The following RGS22 variants were observed in gnomAD, a reference collection of about 807,000 sequenced individuals.
The protein encoded by RGS22 is regulator of G-protein signaling 22.
RGS22 carries 148 observed loss-of-function variants against 172.9 expected under a neutral mutation model. The ratio of observed to expected loss-of-function variants is 0.86; its 90% CI spans 0.75 to 0.98. The LOEUF is 0.98. Ranked by LOEUF, RGS22 falls within the 50% of genes least tolerant of loss-of-function variation. The pLI is 0.00. For synonymous variants in RGS22, 458 were observed against 480.2 expected (o/e 0.95, Z 0.60); for missense variants, 1,347 against 1,440.8 (o/e 0.93, Z 1.05).
At chr8:100,043,504 C>T (rs1436491878) in intron 11 of RGS22, among the ~76,000 whole-genome samples, 1 of 152,062 alleles carries the variant, frequency 6.6e-6, no homozygotes, top group Non-Finnish European at 1.5e-5. Context: ...TGGCTGGGCA[C>T]GGTGGCTCAC....
rs777702025 is a variant in RGS22, at chr8:100,047,480, A to G, written c.1806T>C (p.Asp602=). The G allele has an allele frequency of 1.3e-6, 2 of 1,599,852 alleles. No individual in the cohort carries two copies. Among genetic ancestry groups the G allele is most frequent in the Admixed American group, 3.5e-5 (2 of 57,374 alleles). The change falls in exon 11 of 28, where the codon GAT becomes GAC. Residue 602 remains aspartate (D), a synonymous_variant. Coordinates refer to ENST00000360863, the MANE Select transcript of RGS22 (RefSeq NM_015668.5). ...RELLYPGSSK[D]DVIEKGSKYM... ...GCACCTACCCTTTCTCAATCACATC[A>G]TCCTTAGAAGAACCTGGATACAAAA...
chr8:99,971,405 G>A (rs1472086705), intron 23 of RGS22, among the ~76,000 whole-genome samples: 1 of 152,168 alleles, frequency 6.6e-6, no homozygotes, highest in East Asian at 1.9e-4. Flanking sequence ...AGAAATAAAG[G>A]GTATTCAAAT....
chr8:100,037,079 T>C (rs1440982720), intron 14 of RGS22, among the ~76,000 whole-genome samples: 1 of 152,212 alleles, frequency 6.6e-6, no homozygotes, highest in Non-Finnish European at 1.5e-5. Context: ...TCTTGTATCT[T>C]AAGTCACAGA....
chr8:100,066,241 G>C lies in RGS22; in HGVS notation c.650C>G (p.Thr217Arg). The part of the protein sequence containing the change: ...WFALAKQSQQ[T>R]VSTFSLPCCV... ...ACAGGGTAACGAAAAGGTTGATACT[G>C]TTTGCTGACTTTGTTTTGCTAATGC... The change falls in exon 7 of 28, where the codon ACA becomes AGA. Residue 217 changes from threonine (T) to arginine (R), a missense_variant. Transcript: ENST00000360863. 6.2e-7 allele frequency: 1 copy of C among 1,613,128 alleles called. No homozygotes were observed. The highest frequency in any genetic ancestry group is 8.5e-7 in the Non-Finnish European group (1 of 1,179,248).
At chr8:99,974,840 C>A (rs574286639) in intron 23 of RGS22, among the ~76,000 whole-genome samples, 41 of 149,218 alleles carry the variant, frequency 2.7e-4, no homozygotes, top group Non-Finnish European at 2.1e-4. Flanking sequence ...AAAAATAAAA[C>A]CCTATGCATT....
At position 100,063,937 on chromosome 8, in the gene RGS22, CTCTTCTTCTTCTCCT is replaced by C. The variant is rs538962849; in HGVS notation, c.816_830del (p.Gly273_Glu277del). ...GAGTGTCTTGTAGAGATACAGACAC[CTCTTCTTCTTCTCCT>C]TCTTCTTCTTCAAATTCAGAAATCA... On this transcript the variant is annotated inframe_deletion, in exon 8 of 28. Transcript: ENST00000360863. 1,938 of 1,587,316 alleles carry C rather than the reference CTCTTCTTCTTCTCCT, an allele frequency of 1.2e-3. 11 individuals are homozygous for C. Among genetic ancestry groups the C allele is most frequent in the South Asian group, 5.1e-3 (441 of 86,268 alleles).
At position 99,961,092 on chromosome 8, in the gene RGS22, C is replaced by A; in HGVS notation, c.*150G>T. ...TTTATTTATTTCCCACCTGGAAAATCCAGAATCAAACTTTATTTAGATGTT... is the reference window on the plus strand; with the variant it reads ...TTTATTTATTTCCCACCTGGAAAATACAGAATCAAACTTTATTTAGATGTT... On this transcript the variant is annotated 3_prime_UTR_variant, in exon 28 of 28. Coordinates refer to ENST00000360863, the MANE Select transcript of RGS22 (RefSeq NM_015668.5). 1 of 395,306 alleles carries A rather than the reference C, an allele frequency of 2.5e-6. No homozygotes were observed. The highest frequency in any genetic ancestry group is 4.9e-6 in the Non-Finnish European group (1 of 202,566). 24.5% of individuals were successfully genotyped at this position (395,306 alleles called of 1,614,324 possible).
intron 3 of RGS22, among the ~76,000 whole-genome samples, chr8:100,087,513 A>C (rs1812252271): frequency 6.6e-6 from 1 of 152,058 alleles, no homozygotes; most frequent in Non-Finnish European, 1.5e-5. Flanking sequence ...AGGGGAGAGA[A>C]AAAAAACCTG....
At chr8:100,036,695 C>T (rs528579904) in intron 14 of RGS22, among the ~76,000 whole-genome samples, 3 of 152,220 alleles carry the variant, frequency 2.0e-5, no homozygotes, top group East Asian at 3.9e-4. Flanking sequence ...AACTCCTGGG[C>T]TCAAGCGATC....
intron 2 of RGS22, among the ~76,000 whole-genome samples, chr8:100,096,617 T>A (rs2132021318): frequency 6.6e-6 from 1 of 151,916 alleles, no homozygotes; most frequent in Non-Finnish European, 1.5e-5. Flanking sequence ...ATTTTTTTTT[T>A]TTTTGAGACA....
At chr8:100,064,429 C>CTCCA (rs1810393381) in intron 7 of RGS22, among the ~76,000 whole-genome samples, 1 of 151,828 alleles carries the variant, frequency 6.6e-6, no homozygotes, top group African/African-American at 2.4e-5. Flanking sequence ...TACCACTGCA[C>CTCCA]TCCAGCCTGG....
chr8:100,079,205 T>A (rs896102562), intron 4 of RGS22, among the ~76,000 whole-genome samples: 2 of 152,202 alleles, frequency 1.3e-5, no homozygotes, highest in African/African-American at 2.4e-5. Flanking sequence ...TAGTAAAAAA[T>A]TTTTAAACTA....
At chr8:100,039,620 C>G (rs1386786871) in intron 13 of RGS22, among the ~76,000 whole-genome samples, 3 of 152,100 alleles carry the variant, frequency 2.0e-5, no homozygotes, top group Non-Finnish European at 4.4e-5. Flanking sequence ...AAATGATCCA[C>G]CCACCTTGGC....
intron 24 of RGS22, among the ~76,000 whole-genome samples, chr8:99,963,926 T>C (rs1159478059): frequency 1.3e-5 from 2 of 152,194 alleles, no homozygotes; most frequent in Non-Finnish European, 2.9e-5. Flanking sequence ...TAATTCAACA[T>C]GTATACTTTA....
intron 19 of RGS22, 141 bp from the exon 20 acceptor site, chr8:99,996,671 T>A: frequency 1.4e-6 from 1 of 725,442 alleles, no homozygotes; most frequent in Non-Finnish European, 2.2e-6. Context: ...GGATCAAACT[T>A]AAAAATGGAA....
intron 24 of RGS22, 37 bp downstream of exon 24, chr8:99,965,298 G>A (rs1810608352): frequency 1.5e-6 from 2 of 1,374,736 alleles, no homozygotes; most frequent in Non-Finnish European, 2.1e-6. Context: ...CAATGCTCCA[G>A]CGGGGAAATG....
At chr8:100,071,608 AT>A (rs1810987483) in intron 5 of RGS22, 71 bp from the exon 6 acceptor site, 8 of 1,278,870 alleles carry the variant, frequency 6.3e-6, no homozygotes, top group Non-Finnish European at 8.7e-6. Context: ...AAAACCTAAA[AT>A]TTTATGTATT....
In RGS22 at chr8:100,008,582, AG is replaced by A; in HGVS notation, c.2167-14del. ...TGGCAAAAAGATACTGAAGGAGAAG[AG>A]GGAAGAAGGGAGAAGATGTTAAGAG... is the stretch of plus-strand genomic sequence containing the variant. On this transcript the variant is annotated splice_polypyrimidine_tract_variant and intron_variant, in intron 14 of 27. Coordinates refer to ENST00000360863, the MANE Select transcript of RGS22 (RefSeq NM_015668.5). 1.3e-6 allele frequency: 2 copies of A among 1,592,224 alleles called. No homozygotes were observed. Among genetic ancestry groups the A allele is most frequent in the Non-Finnish European group, 1.7e-6 (2 of 1,168,744 alleles).
chr8:100,063,980 T>C lies in RGS22; in HGVS notation c.788A>G (p.Lys263Arg), dbSNP rs1029006783. 6.4e-7 allele frequency: 1 copy of C among 1,568,132 alleles called. No homozygotes were observed. Among genetic ancestry groups the C allele is most frequent in the Non-Finnish European group, 8.6e-7 (1 of 1,160,844 alleles). ...RTKKDPSKTN[K>R]LISEFEEEEG... ...TTCTTCTTCAAATTCAGAAATCAAT[T>C]TGTTGGTTTTAGATGGGTCCTTTTT... Residue 263 changes from lysine (K) to arginine (R), a missense_variant, in exon 8 of 28, where the codon AAA becomes AGA. Lys to Arg is a conservative substitution (Grantham distance 26, BLOSUM62 2). Coordinates refer to ENST00000360863, the MANE Select transcript of RGS22 (RefSeq NM_015668.5).
Sources: allele counts gnomAD v4.1 joint callset (sites outside exome capture counted in the v4.1 genomes callset), GRCh38; gene constraint gnomAD v4.1.1; transcripts MANE v1.5; gene names NCBI Gene and HGNC (gene_info 2026-07-23, HGNC 2026-07-21).